Variants in MEAK7 observed in about 807,000 individuals in gnomAD.
MEAK7 encodes the protein MTOR-associated protein MEAK7.
In MEAK7, 68 loss-of-function variants were observed where a neutral mutation model predicts 40.5. The observed-to-expected ratio is 1.68, with a 90% CI of 1.38 to 2.06. MEAK7 has a LOEUF of 2.06. Ranked by LOEUF, MEAK7 falls within the 30% of genes most tolerant of loss-of-function variation. MEAK7 has a pLI of 0.00. For synonymous variants in MEAK7, 338 were observed against 231.9 expected, an observed-to-expected ratio of 1.46 and a Z score of -4.16; for missense variants, 918 against 580.5, an observed-to-expected ratio of 1.58 and a Z score of -5.98.
rs138521375 is a variant in MEAK7 at position 84,486,703 on chromosome 16, G to C, written c.886C>G (p.Leu296Val). The C allele has an allele frequency of 1.7e-4, 282 of 1,614,016 alleles. No homozygotes were observed. Among genetic ancestry groups the C allele is most frequent in the Non-Finnish European group, 2.3e-4 (266 of 1,179,878 alleles). Residue 296 changes from leucine to valine, a missense_variant, in exon 5 of 8, where the codon CTC becomes GTC. By Grantham distance (32) the Leu-to-Val change is conservative. Transcript: ENST00000343629. ...AACACATGCTTGTCATGGTCCTCGA[G>C]GACAGCCACACAGGGTCCCCGGTGA... ...ITHRGPCVAV[L>V]EDHDKHVFGG...
At position 84,486,776 on chromosome 16, in the gene MEAK7, C is replaced by T. The variant is rs77677332; in HGVS notation, c.813G>A (p.Ser271=). The T allele has an allele frequency of 1.9e-3, 3,017 of 1,613,954 alleles. 45 individuals are homozygous for T. The African/African-American group carries it at 0.034, about 18-fold the overall frequency. ...AGAAGCTGTGTCCATGGAGCTCAGA[C>T]GAAAAGAGCAGGCACCAGCGGTGCC... ...EQRHRWCLLF[S]SELHGHSFSQ... The change falls in exon 5 of 8, where the codon TCG becomes TCA. Residue 271 remains serine (S), a synonymous_variant. Transcript: ENST00000343629.
At chr16:84,487,108 T>C (rs1454547207) in intron 4 of MEAK7, 49 bp from the exon 5 acceptor site, 1 of 1,554,006 alleles carries the variant, frequency 6.4e-7, no homozygotes, top group Non-Finnish European at 8.7e-7. Flanking sequence ...TGTCACCATT[T>C]AGCTACTATC....
chr16:84,488,302 C>G (rs975588213), intron 4 of MEAK7: 1 of 152,054 alleles, frequency 6.6e-6, no homozygotes, highest in Admixed American at 6.5e-5. Context: ...TTCCAAATAC[C>G]TCATCTAAAC....
At chr16:84,504,020 C>G in intron 1 of MEAK7, 1 of 985,530 alleles carries the variant, frequency 1.0e-6, no homozygotes, top group Non-Finnish European at 1.2e-6. Flanking sequence ...CTGTCTGTGT[C>G]TCAGAGCCCA....
rs1011531967 is a variant in MEAK7 at position 84,499,201 on chromosome 16, G to A, written c.-25-1090C>T. 4.6e-5 allele frequency among the ~76,000 whole-genome samples: 7 copies of A among 152,190 alleles called. No homozygotes were observed. The East Asian group carries it at 1.2e-3, about 25-fold the overall frequency. On this transcript the variant is annotated intron_variant, in intron 1 of 7. Transcript: ENST00000343629. ...AAAAGACAAGTGTCAAGCAATCGGG[G>A]GATTCAAACAAAAAAGCATGGTTGG... is the stretch of plus-strand genomic sequence containing the variant.
At chr16:84,503,827 G>C in intron 1 of MEAK7, 1 of 627,432 alleles carries the variant, frequency 1.6e-6, no homozygotes, top group Non-Finnish European at 2.0e-6. Context: ...CCTAGGAATG[G>C]CTTAGTCACC....
In MEAK7 at chr16:84,495,897, GC is replaced by G; in HGVS notation, c.169del (p.Ala57LeufsTer19). The G allele has an allele frequency of 6.2e-7, 1 of 1,614,044 alleles. No homozygotes were observed. The highest frequency in any genetic ancestry group is 8.5e-7 in the Non-Finnish European group (1 of 1,180,018). ...LKALQNHVGE[A>X]LPPEMVTRLY... ...CCTGGTGACCATCTCTGGGGGAAGAGCTTCCCCGACGTGGTTCTGCCGGGGA... is the reference window on the plus strand; with the variant it reads ...CCTGGTGACCATCTCTGGGGGAAGAGTTCCCCGACGTGGTTCTGCCGGGGA... On this transcript the variant is annotated frameshift_variant, in exon 3 of 8. Coordinates refer to ENST00000343629, the MANE Select transcript of MEAK7 (RefSeq NM_020947.4). LOFTEE classifies it high-confidence loss of function.
chr16:84,483,162 G>C (rs1446364913), intron 5 of MEAK7, among the ~76,000 whole-genome samples: 1 of 152,242 alleles, frequency 6.6e-6, no homozygotes, highest in Non-Finnish European at 1.5e-5. Flanking sequence ...ACCATGCAGA[G>C]AGAGAAAACC....
At chr16:84,500,522 C>T (rs559613616) in intron 1 of MEAK7, among the ~76,000 whole-genome samples, 1 of 152,294 alleles carries the variant, frequency 6.6e-6, no homozygotes, top group South Asian at 2.1e-4. Flanking sequence ...TGCTAATGTG[C>T]CCCTCTGCAC....
At position 84,490,653 on chromosome 16, in the gene MEAK7, GATGTGTGT is replaced by G. The variant is rs1199987179; in HGVS notation, c.385-1239_385-1232del. On this transcript the variant is annotated intron_variant, in intron 3 of 7. Coordinates refer to ENST00000343629, the MANE Select transcript of MEAK7 (RefSeq NM_020947.4). ...GTCAGCTTAATTAAAAGCTAATCAAGATGTGTGTGTGTGTGTGTGTGTGTGTGTGTGTG... is the reference window on the plus strand; with the variant it reads ...GTCAGCTTAATTAAAAGCTAATCAAGGTGTGTGTGTGTGTGTGTGTGTGTG... Among the ~76,000 whole-genome samples, 32 of 104,498 alleles carry G rather than the reference GATGTGTGT, an allele frequency of 3.1e-4. 1 individual carries two copies. Among genetic ancestry groups the G allele is most frequent in the South Asian group, 2.9e-3 (9 of 3,156 alleles). The allele number at this position is 104,498 out of a possible 152,430, so 68.6% of individuals were successfully genotyped here. A position where few individuals can be genotyped will look rare whatever the true frequency, so the allele number is the denominator to read the frequency against.
At chr16:84,502,671 GA>G (rs2150652827) in intron 1 of MEAK7, 1 of 151,810 alleles carries the variant, frequency 6.6e-6, no homozygotes, top group East Asian at 2.0e-4. Context: ...AGGAGTTTGA[GA>G]CCAGCCTGGG....
rs548550934 is a variant in MEAK7 at position 84,498,168 on chromosome 16, T to C, written c.-25-57A>G. ...ATCAAAATTTAATAATCACAGAAAA[T>C]AAATGTTGAGAATTATATGGTCAAG... On this transcript the variant is annotated intron_variant, in intron 1 of 7. Coordinates refer to ENST00000343629, the MANE Select transcript of MEAK7 (RefSeq NM_020947.4). 65 of 1,519,454 alleles carry C rather than the reference T, an allele frequency of 4.3e-5. No individual in the cohort carries two copies. In the African/African-American group the frequency reaches 8.6e-4, roughly 20 times the overall value. 94.1% of individuals were successfully genotyped at this position (1,519,454 alleles called of 1,614,324 possible).
chr16:84,485,811 A>G (rs1448913038), intron 5 of MEAK7, among the ~76,000 whole-genome samples: 2 of 151,914 alleles, frequency 1.3e-5, no homozygotes, highest in East Asian at 3.9e-4. Context: ...CCTCCCACGT[A>G]GCTGGGATTA....
chr16:84,497,409 A>G, intron 2 of MEAK7: 1 of 1,278,450 alleles, frequency 7.8e-7, no homozygotes, highest in Non-Finnish European at 1.0e-6. Context: ...CCTAGCCATC[A>G]AACACATACA....
intron 2 of MEAK7, among the ~76,000 whole-genome samples, chr16:84,496,900 T>A (rs561032825): frequency 1.5e-3 from 235 of 152,348 alleles, no homozygotes; most frequent in African/African-American, 5.4e-3. Flanking sequence ...TCGGAATTTA[T>A]TAACACATGT....
chr16:84,479,877 T>G lies in MEAK7; in HGVS notation c.*36A>C. 1.3e-6 allele frequency: 2 copies of G among 1,540,118 alleles called. No homozygotes were observed. Among genetic ancestry groups the G allele is most frequent in the Non-Finnish European group, 1.8e-6 (2 of 1,128,188 alleles). On this transcript the variant is annotated 3_prime_UTR_variant, in exon 8 of 8. Transcript: ENST00000343629. The stretch of plus-strand genomic sequence containing the variant: ...AGGCGTTGCCCTCTACCCAGAGGAA[T>G]CCAGGTCCTGGCTCCAGGAAGGCTC...
At chr16:84,482,828 T>G in intron 5 of MEAK7, 118 bp from the exon 6 acceptor site, 1 of 1,453,904 alleles carries the variant, frequency 6.9e-7, no homozygotes, top group Non-Finnish European at 9.3e-7. Flanking sequence ...TTCTCACCCA[T>G]GTCCAGGTGT....
intron 3 of MEAK7, among the ~76,000 whole-genome samples, chr16:84,490,746 A>G (rs1284846865): frequency 3.4e-5 from 5 of 148,934 alleles, no homozygotes; most frequent in Non-Finnish European, 7.4e-5. Context: ...TTGTTTTTAG[A>G]AAAAAGAAGA....
At chr16:84,493,920 C>G (rs541802286) in intron 3 of MEAK7, among the ~76,000 whole-genome samples, 2 of 152,122 alleles carry the variant, frequency 1.3e-5, no homozygotes, top group Admixed American at 6.5e-5. Context: ...CTGACAGGCC[C>G]AAATACTCCA....
Sources: allele counts gnomAD v4.1 joint callset (sites outside exome capture counted in the v4.1 genomes callset), GRCh38; gene constraint gnomAD v4.1.1; transcripts MANE v1.5; gene names NCBI Gene and HGNC (gene_info 2026-07-23, HGNC 2026-07-21).